Variants in HS3ST3A1 observed in about 807,000 individuals in gnomAD.
The protein encoded by HS3ST3A1 is heparan sulfate glucosamine 3-O-sulfotransferase 3A1.
In HS3ST3A1, 19 loss-of-function variants were observed where a neutral mutation model predicts 25.7. The ratio of observed to expected loss-of-function variants is 0.74; its 90% confidence interval spans 0.52 to 1.08. The LOEUF (loss-of-function observed/expected upper bound fraction) is 1.08. Among genes scored for constraint, HS3ST3A1 ranks in the 50% least tolerant of loss-of-function variants. HS3ST3A1 has a pLI of 0.00. For missense variants in HS3ST3A1, 459 were observed against 594.3 expected (o/e 0.77, Z 2.37); for synonymous variants, 226 against 278.6 (o/e 0.81, Z 1.88).
intron 1 of HS3ST3A1, among the ~76,000 whole-genome samples, chr17:13,534,805 C>A (rs900653723): frequency 6.6e-6 from 1 of 151,948 alleles, no homozygotes; most frequent in South Asian, 2.1e-4. Context: ...GCAGGCAGAT[C>A]ACCTGAGGTT....
intron 1 of HS3ST3A1, among the ~76,000 whole-genome samples, chr17:13,552,165 C>T (rs187998546): frequency 1.2e-4 from 18 of 152,266 alleles, no homozygotes; most frequent in South Asian, 4.2e-4. Context: ...CCGCAACCTC[C>T]GCCTCCCAGG....
At chr17:13,508,332 A>G (rs1247181108) in intron 1 of HS3ST3A1, among the ~76,000 whole-genome samples, 1 of 152,156 alleles carries the variant, frequency 6.6e-6, no homozygotes, top group Non-Finnish European at 1.5e-5. Context: ...AAACTCAAGG[A>G]CTCTTGATCG....
intron 1 of HS3ST3A1, among the ~76,000 whole-genome samples, chr17:13,508,344 T>G (rs138962213): frequency 1.8e-3 from 273 of 152,368 alleles, no homozygotes; most frequent in African/African-American, 6.3e-3. Context: ...TCTTGATCGT[T>G]AATTTTGGGG....
chr17:13,576,530 A>G (rs1186856054), intron 1 of HS3ST3A1, among the ~76,000 whole-genome samples: 1 of 152,212 alleles, frequency 6.6e-6, no homozygotes, highest in East Asian at 1.9e-4. Flanking sequence ...CTTCTCTTAT[A>G]TTCTTTTTGT....
intron 1 of HS3ST3A1, among the ~76,000 whole-genome samples, chr17:13,582,639 TA>T (rs1908147647): frequency 6.6e-6 from 1 of 152,226 alleles, no homozygotes. Flanking sequence ...ATGAAACATT[TA>T]ATGCCCAACG....
At chr17:13,575,512 G>A (rs1907927654) in intron 1 of HS3ST3A1, among the ~76,000 whole-genome samples, 1 of 152,112 alleles carries the variant, frequency 6.6e-6, no homozygotes, top group Non-Finnish European at 1.5e-5. Context: ...GTGGTGACTT[G>A]CATCAGGAAA....
chr17:13,586,578 G>A (rs1908272027), intron 1 of HS3ST3A1, among the ~76,000 whole-genome samples: 1 of 151,866 alleles, frequency 6.6e-6, no homozygotes, highest in Non-Finnish European at 1.5e-5. Flanking sequence ...AATGCATACT[G>A]GATTTTAGGC....
chr17:13,539,442 T>A (rs1287550757), intron 1 of HS3ST3A1, among the ~76,000 whole-genome samples: 1 of 152,368 alleles, frequency 6.6e-6, no homozygotes, highest in East Asian at 1.9e-4. Context: ...AGGGTACTAA[T>A]GGTCAGCTCA....
At chr17:13,564,719 CTTTTT>C (rs397812904) in intron 1 of HS3ST3A1, among the ~76,000 whole-genome samples, 1 of 124,322 alleles carries the variant, frequency 8.0e-6, no homozygotes, top group Non-Finnish European at 1.6e-5. Flanking sequence ...GACTTCTTTC[CTTTTT>C]TTTTTTTTTT....
At chr17:13,560,677 T>C (rs1598426700) in intron 1 of HS3ST3A1, among the ~76,000 whole-genome samples, 2 of 152,320 alleles carry the variant, frequency 1.3e-5, no homozygotes, top group South Asian at 4.1e-4. Context: ...CTAAAAATCA[T>C]GAGTAAATAT....
At chr17:13,518,426 T>C (rs1194054386) in intron 1 of HS3ST3A1, among the ~76,000 whole-genome samples, 2 of 152,228 alleles carry the variant, frequency 1.3e-5, no homozygotes, top group Non-Finnish European at 2.9e-5. Flanking sequence ...TACTATCTCA[T>C]GTTTGTAAAA....
At chr17:13,566,784 G>A (rs1907685816) in intron 1 of HS3ST3A1, among the ~76,000 whole-genome samples, 1 of 151,236 alleles carries the variant, frequency 6.6e-6, no homozygotes, top group Admixed American at 6.6e-5. Flanking sequence ...AGGCTGAGAA[G>A]GTGAGGAAGT....
intron 1 of HS3ST3A1, among the ~76,000 whole-genome samples, chr17:13,529,566 C>G (rs1477403797): frequency 6.6e-6 from 1 of 152,128 alleles, no homozygotes; most frequent in Non-Finnish European, 1.5e-5. Flanking sequence ...GTGACAAATC[C>G]CATTTGACTT....
intron 1 of HS3ST3A1, among the ~76,000 whole-genome samples, chr17:13,580,422 G>A (rs929113069): frequency 6.6e-6 from 1 of 151,880 alleles, no homozygotes; most frequent in Non-Finnish European, 1.5e-5. Context: ...AGTGGTGAAT[G>A]GAAGGTTATC....
intron 1 of HS3ST3A1, among the ~76,000 whole-genome samples, chr17:13,517,967 T>TTTA (rs1308201075): frequency 2.0e-5 from 3 of 152,136 alleles, no homozygotes; most frequent in African/African-American, 7.2e-5. Context: ...CTAATAGAGT[T>TTTA]TTATTATAGT....
chr17:13,574,352 C>T (rs1490011919), intron 1 of HS3ST3A1, among the ~76,000 whole-genome samples: 2 of 151,236 alleles, frequency 1.3e-5, no homozygotes, highest in African/African-American at 4.8e-5. Context: ...CTAAGATGGT[C>T]TCGAACTCCT....
At chr17:13,537,989 A>G (rs1380286846) in intron 1 of HS3ST3A1, among the ~76,000 whole-genome samples, 2 of 152,244 alleles carry the variant, frequency 1.3e-5, no homozygotes, top group Non-Finnish European at 2.9e-5. Flanking sequence ...GACTTGTTCA[A>G]CTAATACAAT....
intron 1 of HS3ST3A1, among the ~76,000 whole-genome samples, chr17:13,510,019 C>T (rs1036453652): frequency 6.6e-6 from 1 of 152,186 alleles, no homozygotes; most frequent in Non-Finnish European, 1.5e-5. Context: ...GTGAAAGTTA[C>T]ATTAAATGTT....
At chr17:13,543,698 A>T (rs1907001159) in intron 1 of HS3ST3A1, 1 of 155,800 alleles carries the variant, frequency 6.4e-6, no homozygotes, top group African/African-American at 2.4e-5. Flanking sequence ...GAAATGTTTT[A>T]AAAAATAAGG....
Sources: gnomAD v4.1 joint callset for allele counts (sites outside exome capture counted in the v4.1 genomes callset) on GRCh38, gnomAD v4.1.1 for gene constraint, MANE v1.5 for transcripts, NCBI Gene and HGNC (gene_info 2026-07-23, HGNC 2026-07-21) for gene names.